The following BARD1 variants were observed in gnomAD, a reference collection of about 807,000 sequenced individuals.
BARD1 encodes the protein BRCA1 associated RING domain 1, also known as BRCA1-associated RING domain protein 1.
A neutral mutation model predicts 77.0 loss-of-function variants in BARD1; 73 were observed. The observed-to-expected ratio is 0.95, with a 90% CI of 0.79 to 1.15. BARD1 has a LOEUF of 1.15. Ranked by LOEUF, BARD1 falls within the 50% of genes most tolerant of loss-of-function variation. BARD1 has a pLI of 0.00. For synonymous variants in BARD1, 384 were observed against 338.0 expected (o/e 1.14, Z -1.49); for missense variants, 993 against 938.8 (o/e 1.06, Z -0.75).
intron 6 of BARD1, among the ~76,000 whole-genome samples, chr2:214,765,286 AC>A (rs1382298573): frequency 6.6e-6 from 1 of 152,190 alleles, no homozygotes; most frequent in Non-Finnish European, 1.5e-5. Context: ...CACTGAAGGC[AC>A]CTGTGAAGGC....
chr2:214,792,769 C>T (rs141439362), intron 2 of BARD1, among the ~76,000 whole-genome samples: 1 of 152,236 alleles, frequency 6.6e-6, no homozygotes, highest in East Asian at 1.9e-4. Context: ...GTCGTGCATC[C>T]TAACTTTTTC....
At position 214,745,168 on chromosome 2, in the gene BARD1, C is replaced by T. The variant is rs1553614994; in HGVS notation, c.1811-9G>A. Reference sequence around the variant, plus strand: ...AACAACAACATGAGTTACTAAAATACAAAAAAAGCAGTAAGAGAAAGAAAG... The same window carrying T: ...AACAACAACATGAGTTACTAAAATATAAAAAAAGCAGTAAGAGAAAGAAAG... On this transcript the variant is annotated splice_polypyrimidine_tract_variant and intron_variant, in intron 8 of 10. Coordinates refer to ENST00000260947, the MANE Select transcript of BARD1 (RefSeq NM_000465.4). 1 of 1,609,026 alleles carries T rather than the reference C, an allele frequency of 6.2e-7. No homozygotes were observed. The highest frequency in any genetic ancestry group is 8.5e-7 in the Non-Finnish European group (1 of 1,175,668).
intron 3 of BARD1, among the ~76,000 whole-genome samples, chr2:214,787,980 A>C (rs1038110219): frequency 6.6e-6 from 1 of 152,002 alleles, no homozygotes; most frequent in Non-Finnish European, 1.5e-5. Flanking sequence ...TTCACTGAAG[A>C]ATGATTATTT....
chr2:214,761,129 C>A (rs6750948), intron 6 of BARD1, among the ~76,000 whole-genome samples: 151,693 of 151,852 alleles, frequency 1, 75,768 homozygotes, highest in Middle Eastern at 1. Flanking sequence ...ATACACTGGT[C>A]TATCAGAGTG....
rs138593305 is a variant in BARD1, at chr2:214,781,215, A to C, written c.659T>G (p.Leu220Ter). The change falls in exon 4 of 11, where the codon TTA becomes TGA. Residue 220 changes from leucine (L) to a stop codon, truncating the protein, a stop_gained. Coordinates refer to ENST00000260947, the MANE Select transcript of BARD1 (RefSeq NM_000465.4). LOFTEE classifies it high-confidence loss of function. Reference protein sequence around the residue: ...TLAEINQKWNLEAEKEDGEFD... With the variant: ...TLAEINQKWN ...TTCACCATCTTCTTTTTCTGCCTCT[A>C]AATTCCATTTTTGGTTGATTTCAGC... 1 of 1,593,100 alleles carries C rather than the reference A, an allele frequency of 6.3e-7. No homozygotes were observed. Among genetic ancestry groups the C allele is most frequent in the Non-Finnish European group, 8.5e-7 (1 of 1,174,940 alleles).
intron 4 of BARD1, among the ~76,000 whole-genome samples, chr2:214,779,649 T>G (rs1694887318): frequency 6.6e-6 from 1 of 152,172 alleles, no homozygotes. Flanking sequence ...CTCAAATGTT[T>G]TATGTTGCCC....
chr2:214,788,212 G>A (rs1010429979), intron 3 of BARD1, among the ~76,000 whole-genome samples: 3 of 151,218 alleles, frequency 2.0e-5, no homozygotes, highest in South Asian at 4.2e-4. Context: ...CACCAACACC[G>A]ACATGTTTCA....
chr2:214,800,688 T>A lies in BARD1; in HGVS notation c.159-3571A>T, dbSNP rs1025016268. Among the ~76,000 whole-genome samples the A allele has an allele frequency of 6.6e-5, 10 of 152,224 alleles. No homozygotes were observed. In the East Asian group the frequency reaches 1.9e-3, roughly 29 times the overall value. Reference sequence around the variant, plus strand: ...CTAGATACTTGCAAAAATGAAACTTTCAAACATCAAAGATATCTAGACAAG... The same window carrying A: ...CTAGATACTTGCAAAAATGAAACTTACAAACATCAAAGATATCTAGACAAG... On this transcript the variant is annotated intron_variant, in intron 1 of 10. Coordinates refer to ENST00000260947, the MANE Select transcript of BARD1 (RefSeq NM_000465.4).
chr2:214,764,089 T>C (rs961575911), intron 6 of BARD1, among the ~76,000 whole-genome samples: 6 of 152,172 alleles, frequency 3.9e-5, no homozygotes, highest in African/African-American at 1.4e-4. Flanking sequence ...GGCACAGATA[T>C]GGGAAACTTG....
chr2:214,769,167 A>G, intron 5 of BARD1, 65 bp downstream of exon 5: 1 of 1,375,820 alleles, frequency 7.3e-7, no homozygotes, highest in Non-Finnish European at 1.0e-6. Context: ...ATAGACAACT[A>G]CATAACTATA....
intron 9 of BARD1, among the ~76,000 whole-genome samples, chr2:214,741,171 A>T (rs1692809010): frequency 6.6e-6 from 1 of 152,094 alleles, no homozygotes; most frequent in Non-Finnish European, 1.5e-5. Context: ...CCAGTGTAAA[A>T]TGTCTGGCAC....
chr2:214,792,599 T>C (rs938749802), intron 2 of BARD1, among the ~76,000 whole-genome samples, 154 bp from the exon 3 acceptor site: 2 of 152,090 alleles, frequency 1.3e-5, no homozygotes, highest in African/African-American at 4.8e-5. Context: ...TTTTAAAGAG[T>C]AAAATACATA....
At position 214,780,825 on chromosome 2, in the gene BARD1, T is replaced by G; in HGVS notation, c.1049A>C (p.Gln350Pro). The G allele has an allele frequency of 6.2e-7, 1 of 1,614,160 alleles. No homozygotes were observed. The highest frequency in any genetic ancestry group is 1.1e-5 in the South Asian group (1 of 91,084). Residue 350 changes from glutamine (Q) to proline (P), a missense_variant, in exon 4 of 11, where the codon CAA (glutamine) becomes CCA (proline). Gln to Pro is a moderately conservative substitution (Grantham distance 76). Coordinates refer to ENST00000260947, the MANE Select transcript of BARD1 (RefSeq NM_000465.4). ...ILSTSGDFVK[Q>P]TVPSENIPLP... ...TGGTATATTTTCTGAGGGCACCGTT[T>G]GCTTAACAAAATCTCCACTGGTGCT...
At position 214,790,094 on chromosome 2, in the gene BARD1, A is replaced by G. The variant is rs1695448227; in HGVS notation, c.364+2203T>C. Among the ~76,000 whole-genome samples, 3 of 152,134 alleles carry G rather than the reference A, an allele frequency of 2.0e-5. 1 individual carries two copies. The South Asian group carries it at 6.2e-4, about 32-fold the overall frequency. On this transcript the variant is annotated intron_variant, in intron 3 of 10. Transcript: ENST00000260947. ...ATATTCCATAGTCCTCAAAATATAA[A>G]TGATTCAAACATCACTAGCTAGAAT...
intron 4 of BARD1, among the ~76,000 whole-genome samples, chr2:214,774,106 C>T (rs1280653135): frequency 6.6e-6 from 1 of 152,232 alleles, no homozygotes; most frequent in East Asian, 1.9e-4. Context: ...TCAGTTACGT[C>T]TTCAGGCTCC....
At chr2:214,734,773 C>T (rs1411867126) in intron 9 of BARD1, among the ~76,000 whole-genome samples, 1 of 152,132 alleles carries the variant, frequency 6.6e-6, no homozygotes, top group African/African-American at 2.4e-5. Flanking sequence ...ACTTTTCTAA[C>T]TTTAAATGAC....
intron 2 of BARD1, 111 bp downstream of exon 2, chr2:214,796,950 G>A (rs1695781391): frequency 1.1e-6 from 1 of 888,600 alleles, no homozygotes; most frequent in Non-Finnish European, 1.9e-6. Flanking sequence ...TTACTTTGCA[G>A]ACTTTGAAAG....
At chr2:214,754,803 T>A (rs1206599326) in intron 6 of BARD1, among the ~76,000 whole-genome samples, 1 of 152,188 alleles carries the variant, frequency 6.6e-6, no homozygotes, top group South Asian at 2.1e-4. Flanking sequence ...ATGAACTGAA[T>A]GGCACATTAC....
chr2:214,755,833 T>G (rs1437572835), intron 6 of BARD1, among the ~76,000 whole-genome samples: 2 of 152,210 alleles, frequency 1.3e-5, no homozygotes, highest in Non-Finnish European at 2.9e-5. Flanking sequence ...AAGGCACATG[T>G]GTCTACTAGC....
Sources: allele counts gnomAD v4.1 joint callset (sites outside exome capture counted in the v4.1 genomes callset), GRCh38; gene constraint gnomAD v4.1.1; transcripts MANE v1.5; gene names NCBI Gene and HGNC (gene_info 2026-07-23, HGNC 2026-07-21).